The following TNFRSF19 variants were observed in gnomAD, a reference collection of about 807,000 sequenced individuals.
The protein encoded by TNFRSF19 is tumor necrosis factor receptor superfamily member 19.
A neutral mutation model predicts 46.4 loss-of-function variants in TNFRSF19; 27 were observed. The ratio of observed to expected loss-of-function variants is 0.58; its 90% CI spans 0.43 to 0.80. TNFRSF19 has a LOEUF of 0.80. Among genes scored for constraint, TNFRSF19 ranks in the 30% least tolerant of loss-of-function variants. The pLI is 0.00. For synonymous variants in TNFRSF19, 204 were observed against 205.0 expected (o/e 1.00, Z 0.04); for missense variants, 511 against 530.8 (o/e 0.96, Z 0.37).
At chr13:23,612,221 C>T (rs914929724) in intron 3 of TNFRSF19, among the ~76,000 whole-genome samples, 9 of 152,138 alleles carry the variant, frequency 5.9e-5, no homozygotes, top group Non-Finnish European at 1.3e-4. Flanking sequence ...TGGAGGCTGT[C>T]GAGCTTCCCT....
intron 1 of TNFRSF19, among the ~76,000 whole-genome samples, chr13:23,589,160 C>T (rs941569821): frequency 3.9e-5 from 6 of 151,950 alleles, no homozygotes; most frequent in Admixed American, 1.3e-4. Flanking sequence ...GAAACAGAAC[C>T]GCTGTTTCTC....
chr13:23,618,368 A>G (rs188720215), intron 4 of TNFRSF19, among the ~76,000 whole-genome samples: 39 of 152,370 alleles, frequency 2.6e-4, no homozygotes, highest in African/African-American at 9.1e-4. Flanking sequence ...CCAAAGAAAT[A>G]TACAAATGTC....
At position 23,658,507 on chromosome 13, in the gene TNFRSF19, T is replaced by A. The variant is rs983576172; in HGVS notation, c.446-543T>A. The stretch of plus-strand genomic sequence containing the variant: ...TAGTCTTTTCTCCAAAACTTAGATG[T>A]TTTCCAGTAGTTTAACAGCTAAGGC... On this transcript the variant is annotated intron_variant, in intron 5 of 9. Transcript: ENST00000248484. Among the ~76,000 whole-genome samples, 7 of 152,330 alleles carry A rather than the reference T, an allele frequency of 4.6e-5. No homozygotes were observed. In the East Asian group the frequency reaches 1.3e-3, roughly 29 times the overall value.
intron 3 of TNFRSF19, among the ~76,000 whole-genome samples, chr13:23,614,769 A>ATATATATATATATATATAT (rs59907466): frequency 3.2e-4 from 47 of 147,158 alleles, no homozygotes; most frequent in African/African-American, 5.8e-4. Context: ...ATATATATAT[A>ATATATATATATATATATAT]GTACCTGGCA....
chr13:23,665,963 A>T (rs1453093904), intron 7 of TNFRSF19, among the ~76,000 whole-genome samples: 1 of 152,080 alleles, frequency 6.6e-6, no homozygotes, highest in Non-Finnish European at 1.5e-5. Flanking sequence ...TTTTTTGAAA[A>T]GTACAGGCCA....
chr13:23,664,153 C>T (rs766641577), intron 7 of TNFRSF19, among the ~76,000 whole-genome samples: 28 of 152,204 alleles, frequency 1.8e-4, no homozygotes, highest in South Asian at 4.2e-4. Flanking sequence ...TATGAATTCC[C>T]TCTTAACACT....
At chr13:23,647,682 T>G (rs931343208) in intron 5 of TNFRSF19, among the ~76,000 whole-genome samples, 1 of 152,334 alleles carries the variant, frequency 6.6e-6, no homozygotes, top group Admixed American at 6.5e-5. Context: ...TGAACCACTG[T>G]GCCCAGCCTC....
chr13:23,602,008 A>G (rs182821845), intron 3 of TNFRSF19, among the ~76,000 whole-genome samples: 2 of 152,286 alleles, frequency 1.3e-5, no homozygotes, highest in Admixed American at 6.5e-5. Context: ...TATATATGGT[A>G]ACTATTAGCC....
At chr13:23,577,431 G>C (rs980826379) in intron 1 of TNFRSF19, among the ~76,000 whole-genome samples, 4 of 152,220 alleles carry the variant, frequency 2.6e-5, no homozygotes, top group African/African-American at 9.6e-5. Flanking sequence ...ACATTTATTT[G>C]AATGATTGAT....
chr13:23,608,355 A>G (rs999944785), intron 3 of TNFRSF19, among the ~76,000 whole-genome samples: 1 of 152,240 alleles, frequency 6.6e-6, no homozygotes, highest in African/African-American at 2.4e-5. Flanking sequence ...AATTTTTCAT[A>G]CAGTAAGCCA....
intron 5 of TNFRSF19, 92 bp downstream of exon 5, chr13:23,626,884 C>T: frequency 8.5e-7 from 1 of 1,182,264 alleles, no homozygotes; most frequent in South Asian, 1.4e-5. Flanking sequence ...GCAGATGGAG[C>T]CAAATCTGTC....
chr13:23,610,813 CT>C (rs914617180), intron 3 of TNFRSF19, among the ~76,000 whole-genome samples: 16 of 151,840 alleles, frequency 1.1e-4, no homozygotes, highest in African/African-American at 3.1e-4. Flanking sequence ...ATAATAATGC[CT>C]TTTTTTGCAT....
In TNFRSF19 at chr13:23,675,208, C is replaced by T. The variant is rs985416451; in HGVS notation, c.*1828C>T. 1 of 152,196 alleles carries T rather than the reference C, an allele frequency of 6.6e-6. No homozygotes were observed. Among genetic ancestry groups the T allele is most frequent in the African/African-American group, 2.4e-5 (1 of 41,428 alleles). 9.4% of individuals were successfully genotyped at this position (152,196 alleles called of 1,614,324 possible). ...AAATGCAAGTAGTTTCCTCGCGTGA[C>T]CTCACCATGATTCACATACGTGCCA... is the stretch of plus-strand genomic sequence containing the variant. On this transcript the variant is annotated 3_prime_UTR_variant, in exon 10 of 10. Coordinates refer to ENST00000248484, the MANE Select transcript of TNFRSF19 (RefSeq NM_148957.4).
intron 4 of TNFRSF19, among the ~76,000 whole-genome samples, chr13:23,616,392 C>T (rs914780062): frequency 6.6e-6 from 1 of 152,162 alleles, no homozygotes; most frequent in Non-Finnish European, 1.5e-5. Flanking sequence ...GACTGGCAAT[C>T]CTCTGACAAT....
intron 4 of TNFRSF19, among the ~76,000 whole-genome samples, chr13:23,617,887 G>A (rs1042755546): frequency 2.6e-5 from 4 of 152,176 alleles, no homozygotes; most frequent in Non-Finnish European, 4.4e-5. Context: ...TTCATGCTCC[G>A]AGGCACTACA....
At position 23,673,372 on chromosome 13, in the gene TNFRSF19, G is replaced by A; in HGVS notation, c.1246G>A (p.Glu416Lys). The change falls in exon 10 of 10, where the codon GAA becomes AAA. Residue 416 changes from glutamate to lysine, a missense_variant and splice_region_variant. Glu to Lys is a moderately conservative substitution (Grantham distance 56, BLOSUM62 1). Coordinates refer to ENST00000248484, the MANE Select transcript of TNFRSF19 (RefSeq NM_148957.4). ...AGCTTCCTTTCTGTTGCTGTTTTAG[G>A]AAGCTTAAAGAACCTGCTTCTTTCT... ...IHPATQTSLQEA is the reference protein window; with the variant it reads ...IHPATQTSLQKA The A allele has an allele frequency of 1.2e-6, 2 of 1,603,124 alleles. No homozygotes were observed. Among genetic ancestry groups the A allele is most frequent in the Non-Finnish European group, 8.5e-7 (1 of 1,173,848 alleles).
rs544920192 is a variant in TNFRSF19, at chr13:23,633,742, A to G, written c.445+6950A>G. 3.7e-4 allele frequency among the ~76,000 whole-genome samples: 57 copies of G among 152,300 alleles called. No homozygotes were observed. The South Asian group carries it at 0.011, about 30-fold the overall frequency. The stretch of plus-strand genomic sequence containing the variant: ...CAGTCACCCGTAATCCCAGCTACTC[A>G]GGGGGCTGAGGCAGAAGAATCACTT... On this transcript the variant is annotated intron_variant, in intron 5 of 9. Coordinates refer to ENST00000248484, the MANE Select transcript of TNFRSF19 (RefSeq NM_148957.4).
chr13:23,670,756 G>A (rs983088574), intron 9 of TNFRSF19, among the ~76,000 whole-genome samples: 10 of 152,126 alleles, frequency 6.6e-5, no homozygotes, highest in South Asian at 2.1e-4. Flanking sequence ...AGAAACAGGC[G>A]GAACCCCCCT....
At chr13:23,636,480 T>C (rs1276436506) in intron 5 of TNFRSF19, among the ~76,000 whole-genome samples, 5 of 152,200 alleles carry the variant, frequency 3.3e-5, no homozygotes, top group Middle Eastern at 3.2e-3. Context: ...GACAGCTATC[T>C]TGAATGCTAA....
Sources: gnomAD v4.1 joint callset for allele counts (sites outside exome capture counted in the v4.1 genomes callset) on GRCh38, gnomAD v4.1.1 for gene constraint, MANE v1.5 for transcripts, NCBI Gene and HGNC (gene_info 2026-07-23, HGNC 2026-07-21) for gene names.